Variants in RPL14 observed in about 807,000 individuals in gnomAD.
RPL14 encodes the protein large ribosomal subunit protein eL14.
RPL14 carries 4 observed loss-of-function variants against 25.3 expected under a neutral mutation model. The ratio of observed to expected loss-of-function variants is 0.16; its 90% CI spans 0.08 to 0.36. The LOEUF is 0.36. Among genes scored for constraint, RPL14 ranks in the 10% least tolerant of loss-of-function variants. The pLI is 1.00. For synonymous variants in RPL14, 75 were observed against 89.8 expected (o/e 0.84, Z 0.93); for missense variants, 212 against 261.9 (o/e 0.81, Z 1.31).
Position 40,457,344 on chromosome 3 carries a change from C to A in RPL14, c.-128C>A, listed in dbSNP as rs754443567. 1.2e-5 allele frequency: 20 copies of A among 1,603,332 alleles called. No homozygotes were observed. Among genetic ancestry groups the A allele is most frequent in the Admixed American group, 1.7e-5 (1 of 59,404 alleles). Reference sequence around the variant, plus strand: ...GGGTTGGGCGGGTCTTCTTCCTTCTCGCCTAACGCCGCCAACATGGTGAGT... The same window carrying A: ...GGGTTGGGCGGGTCTTCTTCCTTCTAGCCTAACGCCGCCAACATGGTGAGT... On this transcript the variant is annotated 5_prime_UTR_variant, in exon 1 of 6. Coordinates refer to ENST00000396203, the MANE Select transcript of RPL14 (RefSeq NM_001034996.3).
At chr3:40,457,642 G>T (rs1696864524) in intron 1 of RPL14, 168 bp downstream of exon 1, 1 of 679,416 alleles carries the variant, frequency 1.5e-6, no homozygotes, top group Non-Finnish European at 2.5e-6. Context: ...GCGGCTCGTG[G>T]TCCGAGAGCC....
intron 2 of RPL14, chr3:40,458,363 A>G (rs1156719104): frequency 3.8e-6 from 2 of 523,910 alleles, no homozygotes; most frequent in African/African-American, 3.8e-5. Context: ...AGCAGGGATC[A>G]GAGTCCTAAA....
At chr3:40,459,111 G>C (rs142169926) in intron 3 of RPL14, 2 of 224,460 alleles carry the variant, frequency 8.9e-6, no homozygotes, top group Non-Finnish European at 1.8e-5. Flanking sequence ...TCGTTTTAGC[G>C]AGGTCGAGGC....
intron 3 of RPL14, among the ~76,000 whole-genome samples, chr3:40,460,766 G>C (rs1696925093): frequency 6.6e-6 from 1 of 152,070 alleles, no homozygotes; most frequent in Non-Finnish European, 1.5e-5. Flanking sequence ...GTTTTTAGTA[G>C]AGATGGGGTT....
chr3:40,457,631 T>C, intron 1 of RPL14, 157 bp downstream of exon 1: 1 of 689,800 alleles, frequency 1.4e-6, no homozygotes, highest in East Asian at 2.8e-5. Flanking sequence ...GGATGGCTGA[T>C]GCGGCTCGTG....
intron 3 of RPL14, 24 bp downstream of exon 3, chr3:40,458,760 C>G: frequency 2.5e-6 from 4 of 1,575,858 alleles, no homozygotes; most frequent in Non-Finnish European, 3.5e-6. Flanking sequence ...AATCACTCCT[C>G]CCTCCCATCC....
In RPL14 at chr3:40,461,520, G is replaced by A. The variant is rs751144363; in HGVS notation, c.300+14G>A. The A allele has an allele frequency of 5.6e-6, 9 of 1,613,114 alleles. No homozygotes were observed. The African/African-American group carries it at 1.2e-4, about 22-fold the overall frequency. ...GCCAGAGAAAGGGTAATAACTTAGG[G>A]TCATTTGAATTCTGGTCCTTTCTTT... On this transcript the variant is annotated intron_variant, in intron 4 of 5. Transcript: ENST00000396203.
intron 3 of RPL14, chr3:40,459,130 G>A (rs1208118758): frequency 5.1e-6 from 1 of 195,132 alleles, no homozygotes; most frequent in Non-Finnish European, 1.1e-5. Flanking sequence ...GCTGCAGAGA[G>A]CCGTGATCAT....
Position 40,465,545 on chromosome 3 carries a change from T to C in RPL14, c.*3313T>C, listed in dbSNP as rs1227982181. 1.3e-5 allele frequency: 2 copies of C among 152,222 alleles called. No individual in the cohort carries two copies. The highest frequency in any genetic ancestry group is 2.9e-5 in the Non-Finnish European group (2 of 68,052). 9.4% of individuals were successfully genotyped at this position (152,222 alleles called of 1,614,324 possible). A position where few individuals can be genotyped will look rare whatever the true frequency, so the allele number is the denominator to read the frequency against. On this transcript the variant is annotated 3_prime_UTR_variant, in exon 6 of 6. Transcript: ENST00000396203. Reference sequence around the variant, plus strand: ...TTAGGAAATTAAGGACTTTTCACCTTTATCTCTGAAATTTCTCTGGAGTTA... The same window carrying C: ...TTAGGAAATTAAGGACTTTTCACCTCTATCTCTGAAATTTCTCTGGAGTTA...
At chr3:40,458,268 G>T in intron 2 of RPL14, 1 of 540,040 alleles carries the variant, frequency 1.9e-6, no homozygotes. Flanking sequence ...GTTTAGAACA[G>T]ATCCAGCACG....
rs1170788097 is a variant in RPL14, at chr3:40,466,813, G to A, written c.*4581G>A. On this transcript the variant is annotated 3_prime_UTR_variant, in exon 6 of 6. Coordinates refer to ENST00000396203, the MANE Select transcript of RPL14 (RefSeq NM_001034996.3). The stretch of plus-strand genomic sequence containing the variant: ...GGTATAGGCAAAATTTGGAAGTTTG[G>A]TTTTCAGAAAGTCTTGACTTCCTCT... The A allele has an allele frequency of 2.0e-5, 3 of 152,168 alleles. No homozygotes were observed. The highest frequency in any genetic ancestry group is 4.4e-5 in the Non-Finnish European group (3 of 68,040). 9.4% of individuals were successfully genotyped at this position (152,168 alleles called of 1,614,324 possible).
rs35229215 is a variant in RPL14 at position 40,462,373 on chromosome 3, C to CTTTTTTTTTT, written c.*153_*162dup. On this transcript the variant is annotated 3_prime_UTR_variant, in exon 6 of 6. Transcript: ENST00000396203. ...ATAATAAACATTAAATAATCAGTTC[C>CTTTTTTTTTT]TTTTTTTTTTTTTTTTTTTTTGAGA... The CTTTTTTTTTT allele has an allele frequency of 5.1e-5, 17 of 332,516 alleles. 1 individual carries two copies. Among genetic ancestry groups the CTTTTTTTTTT allele is most frequent in the African/African-American group, 4.5e-4 (13 of 28,650 alleles). The allele number at this position is 332,516 out of a possible 1,614,324, so 20.6% of individuals were successfully genotyped here. A position where few individuals can be genotyped will look rare whatever the true frequency, so the allele number is the denominator to read the frequency against.
chr3:40,462,107 G>A lies in RPL14; in HGVS notation c.523G>A (p.Ala175Thr). ...CACCGCCGCGAGTAAAAAGGCTCCA[G>A]CCCAGAAGGTTCCTGCCCAGAAAGC... ...KITAASKKAP[A>T]QKVPAQKATG... is the part of the protein sequence containing the mutation. The change falls in exon 6 of 6, where the codon GCC becomes ACC. Residue 175 changes from alanine (A) to threonine (T), a missense_variant. This residue lies in a region of RPL14 where 66 missense variants were observed against 62.6 expected (regional missense o/e 1.05). Transcript: ENST00000396203. The A allele has an allele frequency of 5.0e-6, 8 of 1,611,414 alleles. No homozygotes were observed. The highest frequency in any genetic ancestry group is 6.8e-6 in the Non-Finnish European group (8 of 1,178,724).
intron 3 of RPL14, among the ~76,000 whole-genome samples, chr3:40,460,237 G>T (rs938735000): frequency 6.6e-6 from 1 of 152,034 alleles, no homozygotes. Flanking sequence ...TTACGAGAAT[G>T]AATGGCTCGG....
chr3:40,461,527 G>C, intron 4 of RPL14, 21 bp downstream of exon 4: 1 of 1,612,282 alleles, frequency 6.2e-7, no homozygotes, highest in Non-Finnish European at 8.5e-7. Flanking sequence ...AGGGTCATTT[G>C]AATTCTGGTC....
intron 3 of RPL14, chr3:40,459,050 C>T (rs1326084518): frequency 6.8e-6 from 2 of 295,806 alleles, no homozygotes; most frequent in East Asian, 8.8e-5. Flanking sequence ...CATGGTGGCA[C>T]GCGCCTGTAA....
intron 5 of RPL14, 116 bp from the exon 6 acceptor site, chr3:40,461,823 T>A: frequency 7.6e-7 from 1 of 1,310,156 alleles, no homozygotes; most frequent in African/African-American, 1.5e-5. Flanking sequence ...TTGTTACCTT[T>A]CTTCAGATGT....
Position 40,465,798 on chromosome 3 carries a change from A to G in RPL14, c.*3566A>G, listed in dbSNP as rs1697019311. The G allele has an allele frequency of 6.6e-6, 1 of 152,186 alleles. No individual in the cohort carries two copies. Among genetic ancestry groups the G allele is most frequent in the African/African-American group, 2.4e-5 (1 of 41,430 alleles). The allele number at this position is 152,186 out of a possible 1,614,324, so 9.4% of individuals were successfully genotyped here. A position where few individuals can be genotyped will look rare whatever the true frequency, so the allele number is the denominator to read the frequency against. ...AAACAGTGCAATACAGAACAGTGGA[A>G]ATTGGAAATTCCAATCTTGGAATCT... On this transcript the variant is annotated 3_prime_UTR_variant, in exon 6 of 6. Coordinates refer to ENST00000396203, the MANE Select transcript of RPL14 (RefSeq NM_001034996.3).
rs776071020 is a variant in RPL14 at position 40,463,672 on chromosome 3, G to C, written c.*1440G>C. 3 of 152,094 alleles carry C rather than the reference G, an allele frequency of 2.0e-5. No homozygotes were observed. Among genetic ancestry groups the C allele is most frequent in the Non-Finnish European group, 4.4e-5 (3 of 68,042 alleles). 9.4% of individuals were successfully genotyped at this position (152,094 alleles called of 1,614,324 possible). A position where few individuals can be genotyped will look rare whatever the true frequency, so the allele number is the denominator to read the frequency against. On this transcript the variant is annotated 3_prime_UTR_variant, in exon 6 of 6. Transcript: ENST00000396203. Reference sequence around the variant, plus strand: ...ATGGTGGGTTATGGTCAAAATACAGGTACACAGCACTATTCAGTGTCCCTG... The same window carrying C: ...ATGGTGGGTTATGGTCAAAATACAGCTACACAGCACTATTCAGTGTCCCTG...
Sources: allele counts gnomAD v4.1 joint callset (sites outside exome capture counted in the v4.1 genomes callset), GRCh38; gene constraint gnomAD v4.1.1; regional missense constraint gnomAD v4.1.1; transcripts MANE v1.5; gene names NCBI Gene and HGNC (gene_info 2026-07-23, HGNC 2026-07-21).